MED12L: variants seen among roughly 807,000 people sequenced by gnomAD.
MED12L encodes mediator of RNA polymerase II transcription subunit 12-like protein.
MED12L carries 60 observed loss-of-function variants against 281.3 expected under a neutral mutation model. The ratio of observed to expected loss-of-function variants is 0.21; its 90% confidence interval spans 0.17 to 0.26. MED12L has a LOEUF of 0.26. Among genes scored for constraint, MED12L ranks in the 10% least tolerant of loss-of-function variants. The pLI is 1.00. For synonymous variants in MED12L, 974 were observed against 987.2 expected (o/e 0.99, Z 0.25); for missense variants, 2,146 against 2,680.9 (o/e 0.80, Z 4.41).
chr3:151,401,401 G>A (rs1215503966), intron 39 of MED12L, among the ~76,000 whole-genome samples: 1 of 151,834 alleles, frequency 6.6e-6, no homozygotes, highest in Non-Finnish European at 1.5e-5. Flanking sequence ...GAAAGTGGTG[G>A]TGATTCCTCT....
intron 27 of MED12L, among the ~76,000 whole-genome samples, chr3:151,373,258 T>C (rs903419386): frequency 6.6e-6 from 1 of 152,186 alleles, no homozygotes; most frequent in Non-Finnish European, 1.5e-5. Context: ...CTGGCCAAGA[T>C]ACTACAGAAA....
In MED12L at chr3:151,222,314, T is replaced by C. The variant is rs538615960; in HGVS notation, c.2250+28648T>C. 1.6e-4 allele frequency among the ~76,000 whole-genome samples: 25 copies of C among 152,248 alleles called. No individual in the cohort carries two copies. The South Asian group carries it at 4.6e-3, about 28-fold the overall frequency. On this transcript the variant is annotated intron_variant, in intron 16 of 44. Coordinates refer to ENST00000687756, the MANE Select transcript of MED12L (RefSeq NM_001393769.1). Reference sequence around the variant, plus strand: ...AAATGAATTGAGACTTGGGGGACTGTTGGAAGACATGATTGGTTTTGAAAT... The same window carrying C: ...AAATGAATTGAGACTTGGGGGACTGCTGGAAGACATGATTGGTTTTGAAAT...
chr3:151,123,281 G>C (rs1177985957), intron 4 of MED12L, among the ~76,000 whole-genome samples: 1 of 152,138 alleles, frequency 6.6e-6, no homozygotes, highest in Non-Finnish European at 1.5e-5. Context: ...TACATTTCCA[G>C]TTTTCTTAGG....
At chr3:151,304,922 G>C (rs1746439006) in intron 16 of MED12L, among the ~76,000 whole-genome samples, 1 of 152,188 alleles carries the variant, frequency 6.6e-6, no homozygotes, top group Non-Finnish European at 1.5e-5. Flanking sequence ...CAAGGGGGTT[G>C]AGGGGGGTGG....
chr3:151,340,185 C>T (rs1560049228), intron 16 of MED12L, among the ~76,000 whole-genome samples: 1 of 152,110 alleles, frequency 6.6e-6, no homozygotes, highest in South Asian at 2.1e-4. Flanking sequence ...TTTAACCTTT[C>T]CTGCTACTGC....
intron 11 of MED12L, among the ~76,000 whole-genome samples, chr3:151,184,785 C>T (rs1430324902): frequency 6.6e-6 from 1 of 152,134 alleles, no homozygotes; most frequent in Non-Finnish European, 1.5e-5. Context: ...TGTCATTTTT[C>T]GTGTTTGTTA....
chr3:151,200,151 G>C (rs1431438906), intron 16 of MED12L, among the ~76,000 whole-genome samples: 1 of 148,420 alleles, frequency 6.7e-6, no homozygotes, highest in Non-Finnish European at 1.5e-5. Context: ...AAGCCCAGAA[G>C]CATAAGACAT....
intron 16 of MED12L, among the ~76,000 whole-genome samples, chr3:151,284,975 T>G (rs1182708375): frequency 6.6e-6 from 1 of 152,204 alleles, no homozygotes; most frequent in Admixed American, 6.5e-5. Context: ...CCTTGTCTAA[T>G]TCTCAGTGGT....
intron 16 of MED12L, among the ~76,000 whole-genome samples, chr3:151,268,139 A>G (rs781467616): frequency 2.0e-5 from 3 of 152,146 alleles, no homozygotes; most frequent in African/African-American, 7.2e-5. Flanking sequence ...CATGTTTTCA[A>G]TACAAAGCAT....
intron 19 of MED12L, among the ~76,000 whole-genome samples, chr3:151,356,733 A>G (rs1753971315): frequency 1.3e-5 from 2 of 152,204 alleles, no homozygotes; most frequent in Non-Finnish European, 2.9e-5. Context: ...GTTAAGAGCC[A>G]GAACAAACCT....
intron 14 of MED12L, 97 bp downstream of exon 14, chr3:151,191,028 T>G: frequency 9.6e-7 from 1 of 1,043,316 alleles, no homozygotes; most frequent in Non-Finnish European, 1.4e-6. Context: ...AGTGATGGCT[T>G]TTTGTTGTAT....
chr3:151,316,315 G>A (rs1218745065), intron 16 of MED12L: 1 of 151,984 alleles, frequency 6.6e-6, no homozygotes, highest in Non-Finnish European at 1.5e-5. Flanking sequence ...AGTAAATGTG[G>A]TTTAAAAAAA....
intron 44 of MED12L, among the ~76,000 whole-genome samples, chr3:151,430,862 C>A (rs527823242): frequency 3.1e-4 from 47 of 150,102 alleles, no homozygotes; most frequent in African/African-American, 1.2e-3. Context: ...AAATCAAAAC[C>A]TATAACATCA....
At chr3:151,269,350 A>T (rs1229502326) in intron 16 of MED12L, 1 of 164,026 alleles carries the variant, frequency 6.1e-6, no homozygotes, top group Non-Finnish European at 1.3e-5. Flanking sequence ...CAGTGACCTG[A>T]GATCGTGCCA....
chr3:151,280,071 C>A (rs1321554054), intron 16 of MED12L, among the ~76,000 whole-genome samples: 1 of 152,184 alleles, frequency 6.6e-6, no homozygotes, highest in Non-Finnish European at 1.5e-5. Flanking sequence ...TTGACTGGAG[C>A]TGCTTGCTTG....
rs1257615691 is a variant in MED12L at position 151,116,247 on chromosome 3, A to G, written c.100-91A>G. The G allele has an allele frequency of 4.8e-6, 4 of 838,802 alleles. No individual in the cohort carries two copies. The African/African-American group carries it at 6.8e-5, about 14-fold the overall frequency. 52.0% of individuals were successfully genotyped at this position (838,802 alleles called of 1,614,324 possible). ...TCAAGAGTTCTCCTCTACAGAGTAT[A>G]ACAAATTTAGCCATTACTTAGGATG... On this transcript the variant is annotated intron_variant, in intron 2 of 44. Coordinates refer to ENST00000687756, the MANE Select transcript of MED12L (RefSeq NM_001393769.1).
At chr3:151,272,571 G>A (rs1446748600) in intron 16 of MED12L, among the ~76,000 whole-genome samples, 2 of 152,134 alleles carry the variant, frequency 1.3e-5, no homozygotes, top group African/African-American at 4.8e-5. Flanking sequence ...TTTTCAGTGT[G>A]GATATTCTTA....
intron 16 of MED12L, among the ~76,000 whole-genome samples, chr3:151,237,052 T>C: frequency 6.7e-6 from 1 of 150,322 alleles, no homozygotes. Flanking sequence ...AAACTTTTTT[T>C]TTTTTTTTTT....
chr3:151,139,772 C>T (rs2148856952), intron 5 of MED12L, among the ~76,000 whole-genome samples: 1 of 152,036 alleles, frequency 6.6e-6, no homozygotes, highest in South Asian at 2.1e-4. Context: ...GAGGTAAATA[C>T]AACAGATGAA....
Sources: allele counts gnomAD v4.1 joint callset (sites outside exome capture counted in the v4.1 genomes callset), GRCh38; gene constraint gnomAD v4.1.1; transcripts MANE v1.5; gene names NCBI Gene and HGNC (gene_info 2026-07-23, HGNC 2026-07-21).